Variants in C10orf67 observed in about 807,000 individuals in gnomAD.
The protein encoded by C10orf67 is chromosome 10 open reading frame 67.
In C10orf67, 60 loss-of-function variants were observed where a neutral mutation model predicts 35.6. The observed-to-expected ratio is 1.68, with a 90% CI of 1.37 to 2.09. The LOEUF (loss-of-function observed/expected upper bound fraction) is 2.09. Ranked by LOEUF, C10orf67 falls within the 30% of genes most tolerant of loss-of-function variation. C10orf67 has a pLI of 0.00. For synonymous variants in C10orf67, 167 were observed against 115.8 expected, an observed-to-expected ratio of 1.44 and a Z score of -2.84; for missense variants, 474 against 330.2, an observed-to-expected ratio of 1.44 and a Z score of -3.38.
chr10:23,240,786 T>C (rs1842159946), intron 12 of C10orf67, among the ~76,000 whole-genome samples: 2 of 152,242 alleles, frequency 1.3e-5, no homozygotes, highest in Admixed American at 1.3e-4. Context: ...GAGATGAGAT[T>C]ATCTAGGAAA....
At chr10:23,207,473 C>T (rs987515549) in intron 15 of C10orf67, among the ~76,000 whole-genome samples, 7 of 152,126 alleles carry the variant, frequency 4.6e-5, no homozygotes, top group Non-Finnish European at 1.0e-4. Context: ...ACTAATGAAT[C>T]GACTGTACTA....
Position 23,323,942 on chromosome 10 carries a change from TATATATATATAC to T in C10orf67, c.328-1417_328-1406del, listed in dbSNP as rs1845079005. On this transcript the variant is annotated intron_variant, in intron 2 of 15. Transcript: ENST00000636213. ...ATATATATATATATATATATATATATATATATATATACACACACACACACATATGAGTTAAAA... is the reference window on the plus strand; with the variant it reads ...ATATATATATATATATATATATATATACACACACACACATATGAGTTAAAA... Among the ~76,000 whole-genome samples the T allele has an allele frequency of 6.0e-5, 3 of 50,264 alleles. No homozygotes were observed. The South Asian group carries it at 2.0e-3, about 34-fold the overall frequency. The allele number at this position is 50,264 out of a possible 152,430, so 33.0% of individuals were successfully genotyped here. A position where few individuals can be genotyped will look rare whatever the true frequency, so the allele number is the denominator to read the frequency against.
intron 7 of C10orf67, among the ~76,000 whole-genome samples, chr10:23,284,223 G>GTC (rs1395767688): frequency 6.6e-6 from 1 of 150,692 alleles, no homozygotes; most frequent in Admixed American, 6.6e-5. Flanking sequence ...CACACCCCTG[G>GTC]TCTCCCCACT....
chr10:23,247,769 A>G (rs1039927658), intron 12 of C10orf67, among the ~76,000 whole-genome samples: 7 of 152,358 alleles, frequency 4.6e-5, no homozygotes, highest in Non-Finnish European at 1.0e-4. Context: ...ACTTTCCCCA[A>G]GGGAATGATA....
At chr10:23,260,317 C>CA (rs113379558) in intron 10 of C10orf67, among the ~76,000 whole-genome samples, 33 of 150,474 alleles carry the variant, frequency 2.2e-4, no homozygotes, top group Non-Finnish European at 3.0e-4. Context: ...AAAATAAAGG[C>CA]AAAAAAAAGG....
intron 8 of C10orf67, among the ~76,000 whole-genome samples, chr10:23,273,589 C>T (rs1843091502): frequency 6.6e-6 from 1 of 152,198 alleles, no homozygotes; most frequent in African/African-American, 2.4e-5. Context: ...TGAGTACAAT[C>T]TCTCTTGATC....
At chr10:23,215,902 C>G (rs1374835640) in intron 15 of C10orf67, among the ~76,000 whole-genome samples, 1 of 152,146 alleles carries the variant, frequency 6.6e-6, no homozygotes, top group Non-Finnish European at 1.5e-5. Context: ...GCTTAGCCAT[C>G]AATTTGTTAT....
intron 1 of C10orf67, among the ~76,000 whole-genome samples, chr10:23,343,676 A>G (rs761389619): frequency 6.6e-6 from 1 of 152,204 alleles, no homozygotes; most frequent in African/African-American, 2.4e-5. Context: ...GAGGGTCGCC[A>G]AGATTCTGGA....
At chr10:23,239,640 G>A (rs1305337165) in intron 13 of C10orf67, 89 bp downstream of exon 13, 3 of 566,950 alleles carry the variant, frequency 5.3e-6, no homozygotes, top group South Asian at 2.5e-5. Flanking sequence ...TGTAATGACA[G>A]GGGCTTGATA....
intron 10 of C10orf67, among the ~76,000 whole-genome samples, chr10:23,258,921 CT>C (rs1328568915): frequency 6.6e-6 from 1 of 152,154 alleles, no homozygotes; most frequent in Non-Finnish European, 1.5e-5. Flanking sequence ...TTGTCAATTT[CT>C]TCTTGTAGCA....
chr10:23,329,010 A>AAG (rs1554817374), intron 2 of C10orf67, among the ~76,000 whole-genome samples: 2 of 148,000 alleles, frequency 1.4e-5, no homozygotes, highest in African/African-American at 5.0e-5. Context: ...AAAAAAAAAA[A>AAG]AAAGAAAGAA....
chr10:23,266,605 G>T (rs1188920849), intron 9 of C10orf67, among the ~76,000 whole-genome samples, 179 bp from the exon 10 acceptor site: 1 of 152,094 alleles, frequency 6.6e-6, no homozygotes, highest in Non-Finnish European at 1.5e-5. Context: ...GGATTTGATT[G>T]GCAGGCTGGG....
At chr10:23,273,537 A>C (rs555929337) in intron 8 of C10orf67, among the ~76,000 whole-genome samples, 2 of 152,250 alleles carry the variant, frequency 1.3e-5, no homozygotes, top group African/African-American at 4.8e-5. Flanking sequence ...GCAGTCTGGA[A>C]TCTCATTATC....
intron 8 of C10orf67, among the ~76,000 whole-genome samples, chr10:23,274,064 G>A (rs1422401275): frequency 6.6e-6 from 1 of 152,128 alleles, no homozygotes; most frequent in Non-Finnish European, 1.5e-5. Context: ...CCCCCGAGCT[G>A]CAAAACCAGC....
intron 1 of C10orf67, 146 bp downstream of exon 1, chr10:23,344,423 G>T: frequency 1.2e-6 from 1 of 813,758 alleles, no homozygotes; most frequent in Non-Finnish European, 1.9e-6. Flanking sequence ...CCTGCCTCAA[G>T]GCTTCCCCAC....
At chr10:23,330,009 G>A (rs1169729017) in intron 2 of C10orf67, among the ~76,000 whole-genome samples, 1 of 152,120 alleles carries the variant, frequency 6.6e-6, no homozygotes, top group Non-Finnish European at 1.5e-5. Context: ...AAGGAGAAAA[G>A]CCATATGAGT....
At chr10:23,264,020 T>G (rs771595410) in intron 10 of C10orf67, among the ~76,000 whole-genome samples, 5 of 152,194 alleles carry the variant, frequency 3.3e-5, no homozygotes, top group Non-Finnish European at 5.9e-5. Flanking sequence ...AAAATAAGTA[T>G]GATTAATTAG....
chr10:23,219,720 A>G (rs1841526821), intron 15 of C10orf67, among the ~76,000 whole-genome samples: 1 of 152,218 alleles, frequency 6.6e-6, no homozygotes, highest in African/African-American at 2.4e-5. Flanking sequence ...AATCATTTTT[A>G]ACCAGCCTAG....
chr10:23,260,607 C>T (rs956049365), intron 10 of C10orf67, among the ~76,000 whole-genome samples: 14 of 152,148 alleles, frequency 9.2e-5, no homozygotes, highest in African/African-American at 3.4e-4. Context: ...TATCCAAAGG[C>T]ATTTAGAGCA....
Sources: allele counts gnomAD v4.1 joint callset (sites outside exome capture counted in the v4.1 genomes callset), GRCh38; gene constraint gnomAD v4.1.1; transcripts MANE v1.5; gene names NCBI Gene and HGNC (gene_info 2026-07-23, HGNC 2026-07-21).